CRTC1: variants seen among roughly 807,000 people sequenced by gnomAD.
The protein encoded by CRTC1 is CREB regulated transcription coactivator 1, also known as CREB-regulated transcription coactivator 1.
CRTC1 carries 18 observed loss-of-function variants against 66.1 expected under a neutral mutation model. That is an observed-to-expected ratio of 0.27 (90% CI 0.19 to 0.40). The LOEUF is 0.40. Among genes scored for constraint, CRTC1 ranks in the 10% least tolerant of loss-of-function variants. The probability of loss-of-function intolerance (pLI) is 1.00; values close to 1 mark genes in which losing one functional copy is unlikely to be tolerated. For synonymous variants in CRTC1, 416 were observed against 398.8 expected (o/e 1.04, Z -0.51); for missense variants, 669 against 887.9 (o/e 0.75, Z 3.13).
intron 1 of CRTC1, among the ~76,000 whole-genome samples, chr19:18,733,566 T>A (rs2053935577): frequency 6.6e-6 from 1 of 152,208 alleles, no homozygotes; most frequent in African/African-American, 2.4e-5. Context: ...AGACTCAGCC[T>A]GGAATCCACG....
intron 1 of CRTC1, among the ~76,000 whole-genome samples, chr19:18,692,590 A>C (rs10423271): frequency 0.37 from 54,672 of 147,772 alleles, 10,666 homozygotes; most frequent in East Asian, 0.51. Flanking sequence ...AACAAGAGTG[A>C]AACTCTGTCT....
chr19:18,715,601 G>A (rs1023893674), intron 1 of CRTC1, among the ~76,000 whole-genome samples: 1 of 152,242 alleles, frequency 6.6e-6, no homozygotes, highest in African/African-American at 2.4e-5. Context: ...CCCATGCCCA[G>A]CAGGGAGCTG....
intron 1 of CRTC1, among the ~76,000 whole-genome samples, chr19:18,723,910 C>A (rs963436308): frequency 1.3e-5 from 2 of 152,200 alleles, no homozygotes; most frequent in Non-Finnish European, 2.9e-5. Flanking sequence ...CAGTTGTCCC[C>A]GTGCGCTTGG....
At chr19:18,689,238 C>T (rs187369962) in intron 1 of CRTC1, among the ~76,000 whole-genome samples, 4 of 151,884 alleles carry the variant, frequency 2.6e-5, no homozygotes, top group Admixed American at 2.6e-4. Context: ...TGAGCCACCA[C>T]ACCTGGTCAA....
At chr19:18,699,689 C>T (rs1361364720) in intron 1 of CRTC1, among the ~76,000 whole-genome samples, 1 of 152,178 alleles carries the variant, frequency 6.6e-6, no homozygotes, top group Non-Finnish European at 1.5e-5. Context: ...GAGGTTGCGG[C>T]TCTGAGCCAA....
intron 1 of CRTC1, among the ~76,000 whole-genome samples, chr19:18,686,390 G>A (rs1487026145): frequency 6.6e-6 from 1 of 152,212 alleles, no homozygotes; most frequent in East Asian, 1.9e-4. Context: ...GCTCACACTT[G>A]TAATCCCAGC....
At position 18,777,739 on chromosome 19, in the gene CRTC1, G is replaced by C. The variant is rs2055026267; in HGVS notation, c.*357G>C. On this transcript the variant is annotated 3_prime_UTR_variant, in exon 14 of 14. Coordinates refer to ENST00000321949, the MANE Select transcript of CRTC1 (RefSeq NM_015321.3). The surrounding 1 kb of genome is among the most constrained non-coding windows in gnomAD (Gnocchi z 5.5). ...GCTCCCGGCGTGGCGGGCAGGCTCAGGGGAGGGGCGCGCATGGTCCGCCAG... is the reference window on the plus strand; with the variant it reads ...GCTCCCGGCGTGGCGGGCAGGCTCACGGGAGGGGCGCGCATGGTCCGCCAG... The C allele has an allele frequency of 2.8e-6, 1 of 357,126 alleles. No homozygotes were observed. The highest frequency in any genetic ancestry group is 5.2e-6 in the Non-Finnish European group (1 of 193,480). The allele number at this position is 357,126 out of a possible 1,614,324, so 22.1% of individuals were successfully genotyped here.
rs2055025224 is a variant in CRTC1 at position 18,777,717 on chromosome 19, C to CAGGGGAGGGG, written c.*335_*336insAGGGGAGGGG. The CAGGGGAGGGG allele has an allele frequency of 2.7e-6, 1 of 367,632 alleles. No individual in the cohort carries two copies. Among genetic ancestry groups the CAGGGGAGGGG allele is most frequent in the Non-Finnish European group, 5.0e-6 (1 of 200,672 alleles). 22.8% of individuals were successfully genotyped at this position (367,632 alleles called of 1,614,324 possible). On this transcript the variant is annotated 3_prime_UTR_variant, in exon 14 of 14. Transcript: ENST00000321949. The surrounding 1 kb of genome is among the most constrained non-coding windows in gnomAD (Gnocchi z 5.5). ...CTGTAAGATGCGGGAAGTGTCAGCT[C>CAGGGGAGGGG]CCGGCGTGGCGGGCAGGCTCAGGGG...
At chr19:18,704,792 T>C (rs895859911) in intron 1 of CRTC1, among the ~76,000 whole-genome samples, 5 of 152,158 alleles carry the variant, frequency 3.3e-5, no homozygotes, top group Admixed American at 6.6e-5. Context: ...CAGTGGCATT[T>C]AGTAAGTATC....
At chr19:18,769,175 T>TTA (rs1176110067) in intron 10 of CRTC1, among the ~76,000 whole-genome samples, 2 of 152,184 alleles carry the variant, frequency 1.3e-5, no homozygotes, top group Non-Finnish European at 2.9e-5. Flanking sequence ...TGACGTGAGC[T>TTA]TATCAGAGAA....
intron 1 of CRTC1, among the ~76,000 whole-genome samples, chr19:18,689,741 G>T (rs2052784054): frequency 6.6e-6 from 1 of 150,706 alleles, no homozygotes; most frequent in South Asian, 2.1e-4. Context: ...CATTCATCTG[G>T]CCATGAACAC....
intron 6 of CRTC1, among the ~76,000 whole-genome samples, chr19:18,757,100 T>C (rs1208520597): frequency 6.6e-6 from 1 of 152,120 alleles, no homozygotes; most frequent in African/African-American, 2.4e-5. Flanking sequence ...TCTGCCAGCA[T>C]GTTCGCCTTT....
intron 13 of CRTC1, among the ~76,000 whole-genome samples, chr19:18,776,674 T>G (rs1054819536): frequency 3.9e-5 from 6 of 152,244 alleles, no homozygotes; most frequent in Non-Finnish European, 8.8e-5. Flanking sequence ...GACAGGGCGT[T>G]TCAGCCCCAT....
At chr19:18,765,634 T>C in intron 9 of CRTC1, 106 bp downstream of exon 9, 1 of 1,076,140 alleles carries the variant, frequency 9.3e-7, no homozygotes, top group Non-Finnish European at 1.3e-6. Context: ...CCACAAAACC[T>C]TGAGAATGCT....
At chr19:18,773,423 C>G (rs2054914064) in intron 11 of CRTC1, among the ~76,000 whole-genome samples, 1 of 152,188 alleles carries the variant, frequency 6.6e-6, no homozygotes, top group South Asian at 2.1e-4. Context: ...TCATGGCAGG[C>G]TCACAGGGAA....
chr19:18,701,148 G>A (rs1004844864), intron 1 of CRTC1, among the ~76,000 whole-genome samples: 1 of 152,252 alleles, frequency 6.6e-6, no homozygotes, highest in Non-Finnish European at 1.5e-5. Context: ...CGGCTCAGCC[G>A]GGGCAGAAGG....
chr19:18,774,563 C>G (rs2054940616), intron 11 of CRTC1, among the ~76,000 whole-genome samples: 1 of 152,230 alleles, frequency 6.6e-6, no homozygotes, highest in African/African-American at 2.4e-5. Flanking sequence ...ACAGGTTCTC[C>G]TCTGGGGCCT....
intron 1 of CRTC1, among the ~76,000 whole-genome samples, chr19:18,722,525 G>A (rs571697336): frequency 5.3e-5 from 8 of 152,222 alleles, no homozygotes; most frequent in Non-Finnish European, 1.0e-4. Flanking sequence ...GGCACACAGC[G>A]AGAAGGCCAC....
intron 1 of CRTC1, among the ~76,000 whole-genome samples, chr19:18,717,763 G>A (rs2053540495): frequency 6.6e-6 from 1 of 152,114 alleles, no homozygotes; most frequent in African/African-American, 2.4e-5. Context: ...GGACATGGGA[G>A]GGCCTCTCGC....
Sources: allele counts gnomAD v4.1 joint callset (sites outside exome capture counted in the v4.1 genomes callset), GRCh38; gene constraint gnomAD v4.1.1; non-coding constraint Gnocchi (gnomAD v3.1); transcripts MANE v1.5; gene names NCBI Gene and HGNC (gene_info 2026-07-23, HGNC 2026-07-21).